The following GSK3B variants were observed in gnomAD, a reference collection of about 807,000 sequenced individuals.
GSK3B encodes the protein glycogen synthase kinase 3 beta, also known as glycogen synthase kinase-3 beta.
In GSK3B, 15 loss-of-function variants were observed where a neutral mutation model predicts 56.4. The observed-to-expected ratio is 0.27, with a 90% confidence interval of 0.18 to 0.41. GSK3B has a LOEUF of 0.41. Among genes scored for constraint, GSK3B ranks in the 10% least tolerant of loss-of-function variants. The pLI is 1.00. For synonymous variants in GSK3B, 181 were observed against 188.9 expected (o/e 0.96, Z 0.34); for missense variants, 300 against 513.4 (o/e 0.58, Z 4.02).
chr3:119,829,274 A>G (rs1577299140), intron 10 of GSK3B, among the ~76,000 whole-genome samples: 1 of 152,318 alleles, frequency 6.6e-6, no homozygotes, highest in East Asian at 1.9e-4. Flanking sequence ...AAAAATCCAG[A>G]GAAAACCTGG....
chr3:120,016,963 A>G (rs1470413945), intron 1 of GSK3B, among the ~76,000 whole-genome samples: 1 of 152,238 alleles, frequency 6.6e-6, no homozygotes, highest in Non-Finnish European at 1.5e-5. Flanking sequence ...TAATTTAGAA[A>G]CAGGTTTATT....
chr3:120,091,681 T>C (rs2058513671), intron 1 of GSK3B, among the ~76,000 whole-genome samples: 1 of 152,158 alleles, frequency 6.6e-6, no homozygotes, highest in Non-Finnish European at 1.5e-5. Context: ...ATTTGTATCA[T>C]CATAGCTGAA....
At chr3:120,012,981 T>TC (rs1399430742) in intron 1 of GSK3B, among the ~76,000 whole-genome samples, 2 of 152,098 alleles carry the variant, frequency 1.3e-5, no homozygotes, top group Non-Finnish European at 1.5e-5. Flanking sequence ...AACCACTGTA[T>TC]CCAGTCTAGA....
At chr3:119,870,996 A>G (rs1335461819) in intron 8 of GSK3B, among the ~76,000 whole-genome samples, 1 of 152,192 alleles carries the variant, frequency 6.6e-6, no homozygotes, top group Admixed American at 6.5e-5. Flanking sequence ...TGTGCCCTCT[A>G]GGCCTCTCTG....
At chr3:119,892,173 G>A (rs2056510169) in intron 7 of GSK3B, among the ~76,000 whole-genome samples, 1 of 152,106 alleles carries the variant, frequency 6.6e-6, no homozygotes, top group Non-Finnish European at 1.5e-5. Flanking sequence ...GCCTTTAAGA[G>A]CGAAGTAAAA....
chr3:119,989,258 C>T (rs2057542281), intron 2 of GSK3B, among the ~76,000 whole-genome samples: 1 of 152,164 alleles, frequency 6.6e-6, no homozygotes, highest in African/African-American at 2.4e-5. Flanking sequence ...CAGGAATCAA[C>T]TCCTAAATAC....
chr3:119,976,724 G>T (rs1192606491), intron 2 of GSK3B, among the ~76,000 whole-genome samples: 1 of 143,616 alleles, frequency 7.0e-6, no homozygotes, highest in Non-Finnish European at 1.5e-5. Flanking sequence ...TCTCAATAAG[G>T]TTGTTATAAA....
At chr3:119,964,247 A>G (rs1376198700) in intron 2 of GSK3B, among the ~76,000 whole-genome samples, 2 of 152,236 alleles carry the variant, frequency 1.3e-5, no homozygotes, top group Admixed American at 6.5e-5. Flanking sequence ...CAAAAAGACC[A>G]TATGATCCAA....
chr3:119,899,717 CT>C (rs1382013375), intron 7 of GSK3B, among the ~76,000 whole-genome samples: 2 of 152,080 alleles, frequency 1.3e-5, no homozygotes, highest in East Asian at 3.9e-4. Flanking sequence ...AAAGCAACTA[CT>C]TTTTCATAAG....
intron 9 of GSK3B, 44 bp downstream of exon 9, chr3:119,863,375 T>C: frequency 6.8e-7 from 1 of 1,465,290 alleles, no homozygotes; most frequent in Non-Finnish European, 9.6e-7. Flanking sequence ...ACCCAGGGTG[T>C]AGCTTTCCTA....
chr3:120,048,247 T>G (rs1268886598), intron 1 of GSK3B, among the ~76,000 whole-genome samples: 1 of 152,188 alleles, frequency 6.6e-6, no homozygotes, highest in Non-Finnish European at 1.5e-5. Context: ...AAATATAGAA[T>G]GTGATATAAG....
chr3:120,008,860 G>C (rs144358103), intron 1 of GSK3B, among the ~76,000 whole-genome samples: 231 of 152,280 alleles, frequency 1.5e-3, no homozygotes, highest in Middle Eastern at 3.4e-3. Flanking sequence ...TTGATAAATA[G>C]GATCTAATTA....
chr3:119,846,698 A>C (rs1041583176), intron 9 of GSK3B, among the ~76,000 whole-genome samples: 1 of 152,224 alleles, frequency 6.6e-6, no homozygotes, highest in Non-Finnish European at 1.5e-5. Context: ...GTGGGAGTGT[A>C]AATTAGTTCA....
chr3:120,040,943 CAGCCTAAGT>C (rs201770495), intron 1 of GSK3B, among the ~76,000 whole-genome samples: 1 of 151,958 alleles, frequency 6.6e-6, no homozygotes, highest in East Asian at 1.9e-4. Flanking sequence ...TATTCCCTCC[CAGCCTAAGT>C]ATCCCTCCTT....
At chr3:119,949,525 A>T (rs1390716011) in intron 2 of GSK3B, among the ~76,000 whole-genome samples, 2 of 152,168 alleles carry the variant, frequency 1.3e-5, no homozygotes, top group Admixed American at 1.3e-4. Flanking sequence ...CTGAGTAAGG[A>T]GAGAAAGGTG....
At chr3:119,969,344 G>A (rs28536662) in intron 2 of GSK3B, among the ~76,000 whole-genome samples, 81,047 of 151,516 alleles carry the variant, frequency 0.53, 25,327 homozygotes, top group African/African-American at 0.88. Flanking sequence ...TACCAAAAAA[G>A]TCAAGGAAGG....
At chr3:120,075,462 G>A (rs2058360436) in intron 1 of GSK3B, among the ~76,000 whole-genome samples, 1 of 152,044 alleles carries the variant, frequency 6.6e-6, no homozygotes, top group African/African-American at 2.4e-5. Context: ...ATTTGCAGAT[G>A]GCATGATCCC....
intron 7 of GSK3B, among the ~76,000 whole-genome samples, chr3:119,893,897 T>TAC (rs1182140788): frequency 6.6e-6 from 1 of 151,952 alleles, no homozygotes; most frequent in African/African-American, 2.4e-5. Flanking sequence ...AGCTTTACTG[T>TAC]ACTTCATGTA....
chr3:120,086,301 A>G (rs1470400843), intron 1 of GSK3B, among the ~76,000 whole-genome samples: 1 of 152,190 alleles, frequency 6.6e-6, no homozygotes, highest in African/African-American at 2.4e-5. Context: ...AGTTGGAAAC[A>G]ATACCCTGGG....
Sources: allele counts gnomAD v4.1 joint callset (sites outside exome capture counted in the v4.1 genomes callset), GRCh38; gene constraint gnomAD v4.1.1; transcripts MANE v1.5; gene names NCBI Gene and HGNC (gene_info 2026-07-23, HGNC 2026-07-21).